The following PCNX2 variants were observed in gnomAD, a reference collection of about 807,000 sequenced individuals.
The protein encoded by PCNX2 is pecanex 2.
Under a neutral mutation model 223.8 loss-of-function variants are expected in PCNX2, and 168 were observed. The ratio of observed to expected loss-of-function variants is 0.75; its 90% CI spans 0.66 to 0.85. The LOEUF (loss-of-function observed/expected upper bound fraction) is 0.85, where lower values mean the gene tolerates loss of function less well. Among genes scored for constraint, PCNX2 ranks in the 40% least tolerant of loss-of-function variants. PCNX2 has a pLI of 0.00. For synonymous variants in PCNX2, 1,006 were observed against 1,052.6 expected, an observed-to-expected ratio of 0.96 and a Z score of 0.86; for missense variants, 2,507 against 2,675.5, an observed-to-expected ratio of 0.94 and a Z score of 1.39.
chr1:233,069,967 A>ATTT (rs1672780401), intron 23 of PCNX2, among the ~76,000 whole-genome samples: 1 of 152,156 alleles, frequency 6.6e-6, no homozygotes, highest in Non-Finnish European at 1.5e-5. Context: ...ATAACATCGA[A>ATTT]AAATCTCTAA....
At position 233,000,384 on chromosome 1, in the gene PCNX2, C is replaced by G; in HGVS notation, c.5249G>C (p.Arg1750Pro). ...GTCGGCACCCTCGTCCACCACGTGC[C>G]GCAGGGTGAGCAGCTCTTCCTTGTT... is the stretch of plus-strand genomic sequence containing the variant. ...LSNKEELLTL[R>P]HVVDEGADEY... is the part of the protein sequence containing the mutation. The change falls in exon 30 of 34, where the codon CGG (arginine) becomes CCG (proline). Residue 1750 changes from arginine (R) to proline (P), a missense_variant. Physicochemically the swap from Arg to Pro is moderately radical, Grantham distance 103 (BLOSUM62 -2). Coordinates refer to ENST00000258229, the MANE Select transcript of PCNX2 (RefSeq NM_014801.4). The surrounding 1 kb of genome is among the most constrained non-coding windows in gnomAD (Gnocchi z 4.6). The G allele has an allele frequency of 6.2e-7, 1 of 1,612,862 alleles. No homozygotes were observed. Among genetic ancestry groups the G allele is most frequent in the Non-Finnish European group, 8.5e-7 (1 of 1,179,126 alleles).
At chr1:233,112,915 C>T (rs1675196013) in intron 21 of PCNX2, 10 of 1,289,320 alleles carry the variant, frequency 7.8e-6, no homozygotes, top group Non-Finnish European at 1.0e-5. Flanking sequence ...ACTGCAGTAA[C>T]TTGCATGGTT....
intron 17 of PCNX2, among the ~76,000 whole-genome samples, chr1:233,166,227 A>G (rs1558301381): frequency 6.6e-6 from 1 of 152,042 alleles, no homozygotes; most frequent in Non-Finnish European, 1.5e-5. Context: ...TAACAAAAAC[A>G]TCTTGATACT....
intron 12 of PCNX2, among the ~76,000 whole-genome samples, chr1:233,213,461 A>G (rs184851446): frequency 1.4e-3 from 207 of 152,318 alleles, no homozygotes; most frequent in South Asian, 2.7e-3. Context: ...TCATATTGTG[A>G]CTAATGCTTG....
the PCNX2 span, among the ~76,000 whole-genome samples, chr1:233,303,798 G>T: frequency 2.6e-5 from 4 of 152,000 alleles, no homozygotes. Context: ...TCACCTCAGG[G>T]TTCTTCTGGT....
At chr1:233,290,681 C>T (rs1474927110) in intron 1 of PCNX2, 1 of 924,822 alleles carries the variant, frequency 1.1e-6, no homozygotes, top group African/African-American at 1.8e-5. Flanking sequence ...TATGCTAGTG[C>T]TTGACAGATA....
intron 25 of PCNX2, among the ~76,000 whole-genome samples, chr1:233,049,920 A>T (rs1461760484): frequency 6.6e-6 from 1 of 152,144 alleles, no homozygotes; most frequent in Non-Finnish European, 1.5e-5. Flanking sequence ...CAAAAAGGTA[A>T]AAGATCTCTA....
chr1:233,188,882 C>CA (rs1680261618), intron 15 of PCNX2, among the ~76,000 whole-genome samples: 1 of 152,178 alleles, frequency 6.6e-6, no homozygotes, highest in African/African-American at 2.4e-5. Flanking sequence ...ACCATAACTA[C>CA]ATCTGCGAAA....
At chr1:233,133,287 A>G (rs1471085021) in intron 21 of PCNX2, among the ~76,000 whole-genome samples, 2 of 152,212 alleles carry the variant, frequency 1.3e-5, no homozygotes, top group African/African-American at 4.8e-5. Context: ...ATTATAGGAT[A>G]TAATGTTACA....
intron 10 of PCNX2, among the ~76,000 whole-genome samples, chr1:233,221,786 C>T (rs1197170515): frequency 2.6e-5 from 4 of 151,962 alleles, no homozygotes; most frequent in East Asian, 1.9e-4. Flanking sequence ...TTATGGACAA[C>T]GAAGGACTGA....
rs993084655 is a variant in PCNX2 at position 233,000,086 on chromosome 1, T to C, written c.5328+219A>G. On this transcript the variant is annotated intron_variant, in intron 30 of 33. Transcript: ENST00000258229. The surrounding 1 kb of genome is among the most constrained non-coding windows in gnomAD (Gnocchi z 4.6). The stretch of plus-strand genomic sequence containing the variant: ...AGTCTGTGTCTGTGTGCTGGCTCTG[T>C]GAGGTGGAGGGTGATCCTGCCAGGG... Among the ~76,000 whole-genome samples the C allele has an allele frequency of 6.6e-6, 1 of 152,086 alleles. No individual in the cohort carries two copies. Among genetic ancestry groups the C allele is most frequent in the Non-Finnish European group, 1.5e-5 (1 of 68,034 alleles).
intron 28 of PCNX2, among the ~76,000 whole-genome samples, chr1:233,010,878 C>G (rs1016564681): frequency 6.6e-6 from 1 of 152,180 alleles, no homozygotes; most frequent in Admixed American, 6.5e-5. Flanking sequence ...TTTCTTTCTT[C>G]AGGACTATCC....
At chr1:232,999,848 T>G (rs1670018518) in intron 30 of PCNX2, among the ~76,000 whole-genome samples, 2 of 152,216 alleles carry the variant, frequency 1.3e-5, no homozygotes, top group African/African-American at 4.8e-5. Flanking sequence ...GCCATCTTCA[T>G]GGGGAAACTG....
intron 19 of PCNX2, among the ~76,000 whole-genome samples, chr1:233,144,618 A>G (rs1031952349): frequency 1.4e-4 from 22 of 152,308 alleles, no homozygotes; most frequent in Non-Finnish European, 1.2e-4. Flanking sequence ...TTTAACATTT[A>G]TTTAATGACT....
At chr1:233,097,148 G>T (rs1461042136) in intron 21 of PCNX2, among the ~76,000 whole-genome samples, 1 of 152,120 alleles carries the variant, frequency 6.6e-6, no homozygotes, top group Non-Finnish European at 1.5e-5. Context: ...AGAAGTCACA[G>T]GCATCTGGTT....
intron 17 of PCNX2, among the ~76,000 whole-genome samples, chr1:233,161,798 T>C (rs1678498620): frequency 6.6e-6 from 1 of 152,102 alleles, no homozygotes; most frequent in African/African-American, 2.4e-5. Context: ...ATCATCTCTA[T>C]GTGGCTTTAG....
intron 21 of PCNX2, among the ~76,000 whole-genome samples, chr1:233,117,959 G>A (rs192642312): frequency 0.13 from 18,959 of 147,868 alleles, 1,331 homozygotes; most frequent in East Asian, 0.2. Context: ...GCAGTGAGCC[G>A]AGATCCCGCC....
At chr1:233,095,971 C>G in intron 21 of PCNX2, 108 bp from the exon 22 acceptor site, 1 of 712,738 alleles carries the variant, frequency 1.4e-6, no homozygotes, top group Non-Finnish European at 2.4e-6. Context: ...GGCAGTGAAA[C>G]TACTCTCTGC....
At chr1:233,256,399 C>T (rs1659736656) in intron 5 of PCNX2, among the ~76,000 whole-genome samples, 1 of 152,152 alleles carries the variant, frequency 6.6e-6, no homozygotes, top group Admixed American at 6.5e-5. Context: ...CCAAGCTCAA[C>T]CAGCTGGTAT....
Sources: gnomAD v4.1 joint callset for allele counts (sites outside exome capture counted in the v4.1 genomes callset) on GRCh38, gnomAD v4.1.1 for gene constraint, Gnocchi (gnomAD v3.1) non-coding constraint, MANE v1.5 for transcripts, NCBI Gene and HGNC (gene_info 2026-07-23, HGNC 2026-07-21) for gene names.